The following ELMOD2 variants were observed in gnomAD, a reference collection of about 807,000 sequenced individuals.
ELMOD2 encodes the protein ELMO domain containing 2.
In ELMOD2, 28 loss-of-function variants were observed where a neutral mutation model predicts 41.0. That is an observed-to-expected ratio of 0.68 (90% CI 0.51 to 0.94). The LOEUF (loss-of-function observed/expected upper bound fraction) is 0.94. Ranked by LOEUF, ELMOD2 falls within the 40% of genes least tolerant of loss-of-function variation. The pLI, the probability that ELMOD2 is intolerant of heterozygous loss-of-function variation, is 0.00. For missense variants in ELMOD2, 333 were observed against 343.1 expected (o/e 0.97, Z 0.23); for synonymous variants, 106 against 107.2 (o/e 0.99, Z 0.07).
rs73856650 is a variant in ELMOD2 at position 140,525,820 on chromosome 4, T to G, written c.142+250T>G. 8.5e-3 allele frequency among the ~76,000 whole-genome samples: 1,288 copies of G among 152,338 alleles called. 22 individuals carry two copies. The highest frequency in any genetic ancestry group is 0.029 in the African/African-American group (1,208 of 41,572). On this transcript the variant is annotated intron_variant, in intron 2 of 8. Coordinates refer to ENST00000323570, the MANE Select transcript of ELMOD2 (RefSeq NM_153702.4). ...GAAGTTTATCGGTTATTCCTTAGAT[T>G]ATAGTTGCAACCTATTTTCTGGTGA...
chr4:140,531,281 G>A (rs1261197797), intron 3 of ELMOD2, among the ~76,000 whole-genome samples: 1 of 152,052 alleles, frequency 6.6e-6, no homozygotes, highest in East Asian at 1.9e-4. Flanking sequence ...TTCTTTCTTT[G>A]TTAAAAATTG....
At chr4:140,536,884 T>A (rs2321271) in intron 4 of ELMOD2, among the ~76,000 whole-genome samples, 29,563 of 151,646 alleles carry the variant, frequency 0.19, 2,964 homozygotes, top group Admixed American at 0.27. Flanking sequence ...GATAGAAAGG[T>A]TTAGCGTATG....
intron 3 of ELMOD2, among the ~76,000 whole-genome samples, chr4:140,531,416 C>T (rs561093194): frequency 3.3e-5 from 5 of 152,276 alleles, no homozygotes; most frequent in African/African-American, 1.2e-4. Context: ...ATTCAATATT[C>T]TGCTAAGAAG....
chr4:140,535,137 TTCTCTCTCTCTCTCTCTCTCTCTC>T (rs10526729), intron 3 of ELMOD2, among the ~76,000 whole-genome samples: 1 of 141,402 alleles, frequency 7.1e-6, no homozygotes, highest in Admixed American at 7.1e-5. Flanking sequence ...ATCTGTTTCT[TTCTCTCTCTCTCTCTCTCTCTCTC>T]TCTCTCTCTC....
At chr4:140,536,399 A>G (rs958948784) in intron 4 of ELMOD2, among the ~76,000 whole-genome samples, 4 of 152,136 alleles carry the variant, frequency 2.6e-5, no homozygotes, top group Non-Finnish European at 4.4e-5. Flanking sequence ...AGGAAGGAAC[A>G]ATTTATTTCA....
At chr4:140,547,747 A>G (rs1467130062) in intron 8 of ELMOD2, among the ~76,000 whole-genome samples, 3 of 150,264 alleles carry the variant, frequency 2.0e-5, no homozygotes, top group Admixed American at 6.7e-5. Flanking sequence ...CCCCCTTCCT[A>G]TGATTTTCTA....
chr4:140,550,565 A>C lies in ELMOD2; in HGVS notation c.*190A>C, dbSNP rs1054496091. The C allele has an allele frequency of 2.0e-6, 1 of 510,100 alleles. No individual in the cohort carries two copies. The highest frequency in any genetic ancestry group is 3.1e-6 in the Non-Finnish European group (1 of 318,974). The allele number at this position is 510,100 out of a possible 1,614,324, so 31.6% of individuals were successfully genotyped here. A position where few individuals can be genotyped will look rare whatever the true frequency, so the allele number is the denominator to read the frequency against. ...CAATTGTTTATACACTGTTCTCCAA[A>C]GGTACCTTATCCTTCCAAAGATCCC... On this transcript the variant is annotated 3_prime_UTR_variant, in exon 9 of 9. Transcript: ENST00000323570.
At chr4:140,543,311 AT>A in intron 7 of ELMOD2, 141 bp from the exon 8 acceptor site, 1 of 857,306 alleles carries the variant, frequency 1.2e-6, no homozygotes, top group Admixed American at 3.0e-5. Context: ...TTTCTAGTAT[AT>A]TTTTCTTACC....
intron 8 of ELMOD2, among the ~76,000 whole-genome samples, chr4:140,544,261 A>C (rs1310586741): frequency 1.3e-5 from 2 of 152,178 alleles, no homozygotes; most frequent in African/African-American, 2.4e-5. Flanking sequence ...AACTACTTAG[A>C]TAATAGGTGG....
At chr4:140,548,621 AAC>A (rs1198565811) in intron 8 of ELMOD2, among the ~76,000 whole-genome samples, 1 of 152,122 alleles carries the variant, frequency 6.6e-6, no homozygotes. Flanking sequence ...TGACTTTTGC[AAC>A]AGAGACCACT....
chr4:140,548,829 G>A (rs1735375582), intron 8 of ELMOD2, among the ~76,000 whole-genome samples: 1 of 151,954 alleles, frequency 6.6e-6, no homozygotes, highest in Non-Finnish European at 1.5e-5. Context: ...GTAGGACTGG[G>A]GTGGTTTTAT....
At chr4:140,536,338 C>G (rs755461213) in intron 4 of ELMOD2, among the ~76,000 whole-genome samples, 10 of 152,256 alleles carry the variant, frequency 6.6e-5, no homozygotes, top group Non-Finnish European at 1.3e-4. Flanking sequence ...GGTATGTTGA[C>G]ATAGTATTTC....
chr4:140,538,600 T>C (rs951157663), intron 5 of ELMOD2, among the ~76,000 whole-genome samples: 1 of 152,208 alleles, frequency 6.6e-6, no homozygotes, highest in African/African-American at 2.4e-5. Context: ...TTTCCCTTCA[T>C]GTTAGGCCCT....
At chr4:140,536,171 C>T (rs1734919113) in intron 4 of ELMOD2, among the ~76,000 whole-genome samples, 1 of 152,158 alleles carries the variant, frequency 6.6e-6, no homozygotes, top group East Asian at 1.9e-4. Context: ...TACCAGGCTC[C>T]TCCATTCTGA....
intron 8 of ELMOD2, among the ~76,000 whole-genome samples, chr4:140,549,044 G>C (rs1735382202): frequency 6.8e-6 from 1 of 146,826 alleles, no homozygotes; most frequent in Non-Finnish European, 1.5e-5. Flanking sequence ...GGTAATCCAT[G>C]CCTCTTGCTC....
intron 8 of ELMOD2, among the ~76,000 whole-genome samples, chr4:140,548,736 C>CTA (rs1735371476): frequency 6.6e-6 from 1 of 152,108 alleles, no homozygotes; most frequent in South Asian, 2.1e-4. Flanking sequence ...CCTAGGGCTG[C>CTA]TCTGACAGTA....
At chr4:140,524,309 C>G in intron 1 of ELMOD2, 29 bp downstream of exon 1, 1 of 152,280 alleles carries the variant, frequency 6.6e-6, no homozygotes, top group Non-Finnish European at 1.5e-5. Flanking sequence ...CCTCTTGCCC[C>G]GGATGCCTCG....
intron 3 of ELMOD2, among the ~76,000 whole-genome samples, chr4:140,532,598 A>C (rs1259827131): frequency 6.6e-6 from 1 of 152,204 alleles, no homozygotes; most frequent in Non-Finnish European, 1.5e-5. Context: ...ATGATTAAAA[A>C]ATCTCAACTA....
chr4:140,543,528 T>G lies in ELMOD2; in HGVS notation c.678T>G (p.Phe226Leu). Residue 226 changes from phenylalanine (F) to leucine (L), a missense_variant, in exon 8 of 9, where the codon TTT (phenylalanine) becomes TTG (leucine). Coordinates refer to ENST00000323570, the MANE Select transcript of ELMOD2 (RefSeq NM_153702.4). ...YSLLKSEALK[F>L]HLYNLVPGIP... ...TACTGAAGAGTGAAGCTTTGAAGTT[T>G]CATCTCTATAACCTTGTTCCTGGTA... 6.2e-7 allele frequency: 1 copy of G among 1,607,364 alleles called. No individual in the cohort carries two copies. Among genetic ancestry groups the G allele is most frequent in the East Asian group, 2.2e-5 (1 of 44,532 alleles).
Sources: gnomAD v4.1 joint callset for allele counts (sites outside exome capture counted in the v4.1 genomes callset) on GRCh38, gnomAD v4.1.1 for gene constraint, MANE v1.5 for transcripts, NCBI Gene and HGNC (gene_info 2026-07-23, HGNC 2026-07-21) for gene names.